Variants in PRORP observed in about 807,000 individuals in gnomAD.
The protein encoded by PRORP is mitochondrial ribonuclease P catalytic subunit.
Under a neutral mutation model 59.4 loss-of-function variants are expected in PRORP, and 51 were observed. That is an observed-to-expected ratio of 0.86 (90% CI 0.69 to 1.08). The LOEUF (loss-of-function observed/expected upper bound fraction) is 1.08. PRORP is among the 50% of genes least tolerant of loss of function. PRORP has a pLI of 0.00. For missense variants in PRORP, 646 were observed against 690.3 expected, an observed-to-expected ratio of 0.94 and a Z score of 0.72; for synonymous variants, 231 against 245.6, an observed-to-expected ratio of 0.94 and a Z score of 0.55.
At chr14:35,215,638 A>G (rs1458283741) in intron 5 of PRORP, among the ~76,000 whole-genome samples, 2 of 152,026 alleles carry the variant, frequency 1.3e-5, no homozygotes, top group African/African-American at 2.4e-5. Flanking sequence ...CTATAGTCCT[A>G]GCTGTTTTGT....
At chr14:35,254,382 CTTGTTTGTTTGT>C (rs145337885) in intron 5 of PRORP, among the ~76,000 whole-genome samples, 2 of 151,714 alleles carry the variant, frequency 1.3e-5, no homozygotes, top group African/African-American at 4.8e-5. Context: ...GGTTTGTTTG[CTTGTTTGTTTGT>C]TTGTTTGTTT....
intron 4 of PRORP, among the ~76,000 whole-genome samples, chr14:35,168,996 A>T (rs1008456267): frequency 6.7e-6 from 1 of 150,062 alleles, no homozygotes; most frequent in Non-Finnish European, 1.5e-5. Flanking sequence ...ATTTCTGCTT[A>T]TTATTATTCT....
chr14:35,134,788 C>T (rs944088801), intron 4 of PRORP, among the ~76,000 whole-genome samples: 2 of 152,142 alleles, frequency 1.3e-5, no homozygotes, highest in African/African-American at 2.4e-5. Context: ...CCCTAGCTAT[C>T]GTCTCAGTAG....
chr14:35,179,417 C>T lies in PRORP; in HGVS notation c.1168-1253C>T, dbSNP rs2048541451. On this transcript the variant is annotated intron_variant, in intron 4 of 7. Transcript: ENST00000534898. ...GGTCTTTTCATATAGTCCCATATTT[C>T]TTGGAGGCTTTGTTCATTTCTTTTT... Among the ~76,000 whole-genome samples, 2 of 152,180 alleles carry T rather than the reference C, an allele frequency of 1.3e-5. 1 individual carries two copies. The highest frequency in any genetic ancestry group is 1.3e-4 in the Admixed American group (2 of 15,276).
Position 35,209,141 on chromosome 14 carries a change from C to T in PRORP, c.1275+28364C>T, listed in dbSNP as rs563652601. 5.3e-5 allele frequency among the ~76,000 whole-genome samples: 8 copies of T among 152,046 alleles called. No individual in the cohort carries two copies. In the East Asian group the frequency reaches 1.4e-3, roughly 26 times the overall value. On this transcript the variant is annotated intron_variant, in intron 5 of 7. Coordinates refer to ENST00000534898, the MANE Select transcript of PRORP (RefSeq NM_014672.4). ...GTGAGCCGAGATCGTGCCACTGAAC[C>T]CCAGCCTCGGCGACAGAGTGAGACT... is the stretch of plus-strand genomic sequence containing the variant.
chr14:35,127,937 A>G (rs1566442446), intron 4 of PRORP, among the ~76,000 whole-genome samples: 2 of 152,322 alleles, frequency 1.3e-5, no homozygotes, highest in South Asian at 2.1e-4. Flanking sequence ...AGTCAATCCT[A>G]TTATACTGGG....
chr14:35,250,500 C>A (rs867521832), intron 5 of PRORP, among the ~76,000 whole-genome samples: 1 of 152,204 alleles, frequency 6.6e-6, no homozygotes. Context: ...AGATCAGAAG[C>A]TGCCAGGGAA....
chr14:35,182,474 A>G (rs1485520321), intron 5 of PRORP, among the ~76,000 whole-genome samples: 1 of 151,780 alleles, frequency 6.6e-6, no homozygotes, highest in Non-Finnish European at 1.5e-5. Flanking sequence ...GTGAAACCCC[A>G]TCTCTACTAA....
chr14:35,184,305 A>G (rs2048690501), intron 5 of PRORP, among the ~76,000 whole-genome samples: 1 of 152,088 alleles, frequency 6.6e-6, no homozygotes, highest in African/African-American at 2.4e-5. Context: ...TATTTTCTCA[A>G]TTTTCAAATG....
At chr14:35,160,776 T>C (rs192977166) in intron 4 of PRORP, among the ~76,000 whole-genome samples, 2 of 152,356 alleles carry the variant, frequency 1.3e-5, no homozygotes, top group Admixed American at 6.5e-5. Flanking sequence ...AAGTTTGTTT[T>C]GAGGATAGAT....
chr14:35,260,059 T>C (rs1158902761), intron 5 of PRORP, among the ~76,000 whole-genome samples: 5 of 135,094 alleles, frequency 3.7e-5, no homozygotes, highest in Non-Finnish European at 7.7e-5. Context: ...TTGCGCAGGC[T>C]GGAGTGCAGT....
At chr14:35,126,670 T>C (rs2047106698) in intron 2 of PRORP, 65 bp from the exon 3 acceptor site, 1 of 1,237,454 alleles carries the variant, frequency 8.1e-7, no homozygotes, top group South Asian at 1.3e-5. Context: ...CCAAATACCA[T>C]GAATATCTTT....
At chr14:35,210,750 C>CTTTTTTTTTTTTTTTTTTTTTT (rs71435870) in intron 5 of PRORP, among the ~76,000 whole-genome samples, 1 of 34,072 alleles carries the variant, frequency 2.9e-5, no homozygotes, top group Non-Finnish European at 5.0e-5. Flanking sequence ...TTTCTTTTGC[C>CTTTTTTTTTTTTTTTTTTTTTT]TTTTTTTTTT....
chr14:35,240,221 A>C (rs1158798963), intron 5 of PRORP, among the ~76,000 whole-genome samples: 1 of 151,580 alleles, frequency 6.6e-6, no homozygotes, highest in Non-Finnish European at 1.5e-5. Flanking sequence ...CTGCATATAC[A>C]CATTTTTATT....
chr14:35,266,904 T>C (rs762277926), intron 6 of PRORP, 29 bp downstream of exon 6: 1 of 1,613,260 alleles, frequency 6.2e-7, no homozygotes, highest in Non-Finnish European at 8.5e-7. Context: ...AGGTGAATTA[T>C]ACTGTGCTGC....
intron 4 of PRORP, among the ~76,000 whole-genome samples, chr14:35,172,411 T>TC (rs1361297980): frequency 0.02 from 1,744 of 87,614 alleles, 55 homozygotes; most frequent in African/African-American, 0.053. Context: ...TTGGTTTCTT[T>TC]CTTTCCTTCC....
rs144547500 is a variant in PRORP, at chr14:35,228,489, G to T, written c.1276-38238G>T. 2.0e-5 allele frequency among the ~76,000 whole-genome samples: 3 copies of T among 152,152 alleles called. No homozygotes were observed. In the East Asian group the frequency reaches 5.8e-4, roughly 29 times the overall value. The stretch of plus-strand genomic sequence containing the variant: ...CTCCCCGCTAGTAGTCCCAGTGTCC[G>T]TTGTTGCCATCTTTATATCCATGAG... On this transcript the variant is annotated intron_variant, in intron 5 of 7. Coordinates refer to ENST00000534898, the MANE Select transcript of PRORP (RefSeq NM_014672.4).
chr14:35,161,879 A>G (rs1403147394), intron 4 of PRORP, among the ~76,000 whole-genome samples: 1 of 152,164 alleles, frequency 6.6e-6, no homozygotes, highest in East Asian at 1.9e-4. Flanking sequence ...TAATGTATTA[A>G]TACTTGGAAA....
Position 35,247,308 on chromosome 14 carries a change from CCCTT to C in PRORP, c.1276-19415_1276-19412del, listed in dbSNP as rs559161214. ...ATGTCTAAGGTGTCTCTCCCTCCCT[CCCTT>C]CCTCCCTTCCTTTCTCTTACTATTT... On this transcript the variant is annotated intron_variant, in intron 5 of 7. Transcript: ENST00000534898. Among the ~76,000 whole-genome samples the C allele has an allele frequency of 4.4e-4, 67 of 152,276 alleles. No individual in the cohort carries two copies. In the East Asian group the frequency reaches 0.012, roughly 27 times the overall value.
Sources: allele counts gnomAD v4.1 joint callset (sites outside exome capture counted in the v4.1 genomes callset), GRCh38; gene constraint gnomAD v4.1.1; transcripts MANE v1.5; gene names NCBI Gene and HGNC (gene_info 2026-07-23, HGNC 2026-07-21).